LARGE1: variants seen among roughly 807,000 people sequenced by gnomAD.
The protein encoded by LARGE1 is xylosyl- and glucuronyltransferase LARGE1.
In LARGE1, 43 loss-of-function variants were observed where a neutral mutation model predicts 87.6. The ratio of observed to expected loss-of-function variants is 0.49; its 90% confidence interval spans 0.38 to 0.63. The LOEUF (loss-of-function observed/expected upper bound fraction) is 0.63, where lower values mean the gene tolerates loss of function less well. Ranked by LOEUF, LARGE1 falls within the 30% of genes least tolerant of loss-of-function variation. LARGE1 has a pLI of 0.00. For missense variants in LARGE1, 802 were observed against 1,000.2 expected (o/e 0.80, Z 2.67); for synonymous variants, 434 against 394.6 (o/e 1.10, Z -1.18).
intron 1 of LARGE1, among the ~76,000 whole-genome samples, chr22:33,780,875 T>C (rs2085397311): frequency 6.6e-6 from 1 of 152,230 alleles, no homozygotes; most frequent in Admixed American, 6.5e-5. Context: ...CAGATATATC[T>C]CACTCACACA....
intron 1 of LARGE1, among the ~76,000 whole-genome samples, chr22:33,853,901 C>T (rs1287616503): frequency 6.6e-6 from 1 of 152,168 alleles, no homozygotes; most frequent in Non-Finnish European, 1.5e-5. Context: ...CCCGAGAACA[C>T]CTCTCAGTTC....
At chr22:33,749,963 C>T (rs542455113) in intron 2 of LARGE1, among the ~76,000 whole-genome samples, 21 of 152,194 alleles carry the variant, frequency 1.4e-4, no homozygotes, top group Middle Eastern at 3.4e-3. Context: ...CTTGCTCAAA[C>T]GGTACAACGT....
intron 1 of LARGE1, among the ~76,000 whole-genome samples, chr22:33,891,462 A>G: frequency 6.7e-6 from 1 of 149,314 alleles, no homozygotes; most frequent in Non-Finnish European, 1.5e-5. Flanking sequence ...AACTGTATTG[A>G]GAGGATGCCA....
intron 7 of LARGE1, among the ~76,000 whole-genome samples, chr22:33,392,188 G>T (rs1433578691): frequency 6.6e-6 from 1 of 150,752 alleles, no homozygotes; most frequent in Non-Finnish European, 1.5e-5. Flanking sequence ...AGAAGGGGAA[G>T]GAAAAAGAAA....
At chr22:33,560,735 T>C (rs572215179) in intron 6 of LARGE1, among the ~76,000 whole-genome samples, 20 of 152,200 alleles carry the variant, frequency 1.3e-4, no homozygotes, top group East Asian at 5.8e-4. Flanking sequence ...CAAAGCCGTA[T>C]GGATTGGGGT....
chr22:33,323,367 T>A (rs1793229435), intron 10 of LARGE1, among the ~76,000 whole-genome samples: 1 of 152,220 alleles, frequency 6.6e-6, no homozygotes, highest in Admixed American at 6.5e-5. Context: ...CATTGCTTCA[T>A]CAATTTAATC....
intron 9 of LARGE1, among the ~76,000 whole-genome samples, chr22:33,373,533 G>A (rs958960144): frequency 6.6e-5 from 10 of 152,132 alleles, no homozygotes; most frequent in Non-Finnish European, 1.5e-4. Flanking sequence ...CTTGCTGCAT[G>A]TGATTTTCAG....
chr22:33,417,639 T>C (rs1374071534), intron 7 of LARGE1, among the ~76,000 whole-genome samples: 1 of 152,228 alleles, frequency 6.6e-6, no homozygotes, highest in Non-Finnish European at 1.5e-5. Flanking sequence ...GTGGGTCTTC[T>C]GATTAGAGTC....
intron 1 of LARGE1, among the ~76,000 whole-genome samples, chr22:33,849,893 G>A (rs554627736): frequency 9.2e-5 from 14 of 152,200 alleles, no homozygotes; most frequent in Non-Finnish European, 1.3e-4. Context: ...GAGCCACTGC[G>A]CCCGGACTCC....
intron 11 of LARGE1, among the ~76,000 whole-genome samples, chr22:33,312,154 AT>A (rs538358243): frequency 2.0e-5 from 3 of 152,320 alleles, no homozygotes; most frequent in African/African-American, 7.2e-5. Flanking sequence ...CCACTTTCAG[AT>A]CACAGATGAA....
intron 4 of LARGE1, among the ~76,000 whole-genome samples, chr22:33,610,884 G>A (rs1228533061): frequency 6.6e-6 from 1 of 152,206 alleles, no homozygotes; most frequent in Admixed American, 6.5e-5. Flanking sequence ...GGCCTCTCCA[G>A]TTCCAGCCTC....
At chr22:33,729,890 G>A (rs1230728536) in intron 2 of LARGE1, among the ~76,000 whole-genome samples, 5 of 152,162 alleles carry the variant, frequency 3.3e-5, no homozygotes, top group African/African-American at 1.2e-4. Flanking sequence ...TATTTATGGA[G>A]GACCTATAAG....
intron 11 of LARGE1, among the ~76,000 whole-genome samples, chr22:33,260,165 G>A (rs1199665924): frequency 6.6e-6 from 1 of 152,122 alleles, no homozygotes; most frequent in African/African-American, 2.4e-5. Context: ...ACCCCGCAAA[G>A]CCTCTTGCCC....
chr22:33,827,159 G>T (rs1300321212), intron 1 of LARGE1, among the ~76,000 whole-genome samples: 2 of 151,332 alleles, frequency 1.3e-5, no homozygotes, highest in East Asian at 3.9e-4. Context: ...TCAGGAGATC[G>T]AGACCATCCT....
intron 6 of LARGE1, among the ~76,000 whole-genome samples, chr22:33,546,832 C>T (rs1226651187): frequency 6.6e-6 from 1 of 152,170 alleles, no homozygotes; most frequent in African/African-American, 2.4e-5. Context: ...TATCCGCCCA[C>T]CTTGGCCTCC....
chr22:33,919,645 C>T (rs751862283), intron 1 of LARGE1, among the ~76,000 whole-genome samples: 17 of 152,268 alleles, frequency 1.1e-4, no homozygotes, highest in Non-Finnish European at 2.2e-4. Context: ...TCTCCAAACA[C>T]GGCAGGCTCC....
chr22:33,107,452 G>A, the LARGE1 span, among the ~76,000 whole-genome samples: 1 of 152,172 alleles, frequency 6.6e-6, no homozygotes, highest in African/African-American at 2.4e-5. Flanking sequence ...CTACTTGCGG[G>A]GCTGAGGTAG....
At chr22:33,699,303 G>T (rs774466117) in intron 2 of LARGE1, among the ~76,000 whole-genome samples, 2 of 152,152 alleles carry the variant, frequency 1.3e-5, no homozygotes, top group Non-Finnish European at 2.9e-5. Context: ...TCGCAGAATG[G>T]GTGTCACAGG....
At chr22:33,836,364 T>C (rs528008857) in intron 1 of LARGE1, among the ~76,000 whole-genome samples, 3 of 152,252 alleles carry the variant, frequency 2.0e-5, no homozygotes, top group African/African-American at 7.2e-5. Flanking sequence ...CACACAATGG[T>C]GTCAACTGTG....
Sources: allele counts gnomAD v4.1 joint callset (sites outside exome capture counted in the v4.1 genomes callset), GRCh38; gene constraint gnomAD v4.1.1; transcripts MANE v1.5; gene names NCBI Gene and HGNC (gene_info 2026-07-23, HGNC 2026-07-21).